Variants in SYNE2 observed in about 807,000 individuals in gnomAD.
SYNE2 encodes the protein nesprin-2.
SYNE2 carries 431 observed loss-of-function variants against 856.3 expected under a neutral mutation model. That is an observed-to-expected ratio of 0.50 (90% CI 0.47 to 0.55). The LOEUF is 0.55. Ranked by LOEUF, SYNE2 falls within the 20% of genes least tolerant of loss-of-function variation. The probability of loss-of-function intolerance (pLI) is 0.00; values close to 1 mark genes in which losing one functional copy is unlikely to be tolerated. For synonymous variants in SYNE2, 2,923 were observed against 2,872.3 expected (o/e 1.02, Z -0.56); for missense variants, 8,129 against 8,023.2 (o/e 1.01, Z -0.50).
At chr14:64,217,857 A>G (rs1341882081) in intron 108 of SYNE2, among the ~76,000 whole-genome samples, 1 of 152,228 alleles carries the variant, frequency 6.6e-6, no homozygotes, top group Non-Finnish European at 1.5e-5. Context: ...CCGAGATAAC[A>G]GCCCAATCGG....
intron 78 of SYNE2, among the ~76,000 whole-genome samples, chr14:64,135,208 C>T (rs189962573): frequency 1.1e-4 from 16 of 152,180 alleles, no homozygotes; most frequent in African/African-American, 2.4e-4. Flanking sequence ...GGATATATGC[C>T]GTCAGAATCT....
At chr14:63,982,290 G>A (rs1206683614) in intron 16 of SYNE2, among the ~76,000 whole-genome samples, 1 of 152,152 alleles carries the variant, frequency 6.6e-6, no homozygotes. Context: ...TGTAGAAAGA[G>A]ATAAGATGCA....
Position 64,163,525 on chromosome 14 carries a change from C to T in SYNE2, c.16423C>T (p.Leu5475Phe). 4 of 1,614,182 alleles carry T rather than the reference C, an allele frequency of 2.5e-6. No individual in the cohort carries two copies. Among genetic ancestry groups the T allele is most frequent in the Non-Finnish European group, 3.4e-6 (4 of 1,180,026 alleles). ...GCTCCTCCCGGGCCCCCTGCACTCTCTCCAGAGGGCTGCTTATTTGGAAAA... is the reference window on the plus strand; with the variant it reads ...GCTCCTCCCGGGCCCCCTGCACTCTTTCCAGAGGGCTGCTTATTTGGAAAA... ...HMLLPGPLHSLQRAAYLEKML... is the reference protein window; with the variant it reads ...HMLLPGPLHSFQRAAYLEKML... The change falls in exon 89 of 116, where the codon CTC becomes TTC. Residue 5475 changes from leucine to phenylalanine, a missense_variant. Coordinates refer to ENST00000555002, the MANE Select transcript of SYNE2 (RefSeq NM_182914.3).
chr14:63,955,842 T>C (rs2096235289), intron 8 of SYNE2, among the ~76,000 whole-genome samples: 1 of 152,238 alleles, frequency 6.6e-6, no homozygotes. Context: ...TATCCATCTG[T>C]AACTAACTTA....
chr14:64,061,379 C>T (rs76252745), intron 49 of SYNE2, among the ~76,000 whole-genome samples: 3,131 of 152,282 alleles, frequency 0.021, 57 homozygotes, highest in Non-Finnish European at 0.033. Context: ...GTAATAACTT[C>T]CCTTGGGTAA....
chr14:64,027,217 C>T (rs1272819485), intron 42 of SYNE2, among the ~76,000 whole-genome samples: 1 of 152,074 alleles, frequency 6.6e-6, no homozygotes, highest in Non-Finnish European at 1.5e-5. Flanking sequence ...ACTGTTGGGA[C>T]TTGTTTGAAA....
chr14:63,872,024 G>A (rs1428545822), intron 1 of SYNE2, among the ~76,000 whole-genome samples: 1 of 152,138 alleles, frequency 6.6e-6, no homozygotes, highest in African/African-American at 2.4e-5. Flanking sequence ...TGTTGCATAT[G>A]AATGTTAAGG....
In SYNE2 at chr14:63,853,114, C is replaced by G. The variant is rs901701708; in HGVS notation, c.-81C>G. 3.3e-5 allele frequency: 5 copies of G among 151,788 alleles called. No individual in the cohort carries two copies. The highest frequency in any genetic ancestry group is 1.2e-4 in the African/African-American group (5 of 41,380). 9.4% of individuals were successfully genotyped at this position (151,788 alleles called of 1,614,324 possible). A position where few individuals can be genotyped will look rare whatever the true frequency, so the allele number is the denominator to read the frequency against. On this transcript the variant is annotated 5_prime_UTR_variant, in exon 1 of 116. Coordinates refer to ENST00000555002, the MANE Select transcript of SYNE2 (RefSeq NM_182914.3). ...GGCGCCGACCTCGGGCGGCCCCGGC[C>G]CGCGCCCTTGCCCCTCGGCCGGGCG...
intron 70 of SYNE2, among the ~76,000 whole-genome samples, chr14:64,124,821 G>A (rs1333253736): frequency 6.6e-6 from 1 of 152,014 alleles, no homozygotes; most frequent in Admixed American, 6.6e-5. Context: ...TAGCTAACAT[G>A]GCAAAGCCCC....
chr14:64,043,665 C>T (rs1314358273), intron 45 of SYNE2, among the ~76,000 whole-genome samples: 6 of 152,230 alleles, frequency 3.9e-5, no homozygotes, highest in Non-Finnish European at 5.9e-5. Flanking sequence ...TGGCAGCTTC[C>T]ATGTGGTGTT....
At chr14:63,826,573 T>G (rs979555794) in intron 1 of SYNE2, among the ~76,000 whole-genome samples, 1 of 152,170 alleles carries the variant, frequency 6.6e-6, no homozygotes, top group Non-Finnish European at 1.5e-5. Context: ...GTGCTGGGAT[T>G]ACAGGCGTGA....
At chr14:64,041,209 G>A (rs924857937) in intron 45 of SYNE2, among the ~76,000 whole-genome samples, 11 of 152,142 alleles carry the variant, frequency 7.2e-5, no homozygotes, top group Non-Finnish European at 1.3e-4. Flanking sequence ...TAAATGTGAA[G>A]AGAAAATATT....
intron 31 of SYNE2, 123 bp from the exon 32 acceptor site, chr14:64,009,843 G>T: frequency 1.2e-6 from 1 of 822,706 alleles, no homozygotes; most frequent in Non-Finnish European, 1.9e-6. Context: ...AAAGTATTAA[G>T]AACCACATCA....
rs957067190 is a variant in SYNE2, at chr14:63,927,902, A to C, written c.80-12712A>C. ...GCGAGACTCCATCTGAAAAAAAAAA[A>C]CATGCCTTTCGCCTTCTGCCATGAT... On this transcript the variant is annotated intron_variant, in intron 2 of 115. Coordinates refer to ENST00000555002, the MANE Select transcript of SYNE2 (RefSeq NM_182914.3). Among the ~76,000 whole-genome samples the C allele has an allele frequency of 2.0e-5, 3 of 152,054 alleles. No individual in the cohort carries two copies. In the East Asian group the frequency reaches 5.8e-4, roughly 29 times the overall value.
At chr14:64,220,953 T>C (rs2098691494) in intron 111 of SYNE2, among the ~76,000 whole-genome samples, 1 of 152,172 alleles carries the variant, frequency 6.6e-6, no homozygotes, top group South Asian at 2.1e-4. Context: ...TTAAGAGACC[T>C]GGCCTTGAAG....
Position 64,016,510 on chromosome 14 carries a change from A to T in SYNE2, c.4766A>T (p.Glu1589Val). ...IVKEEFNEHL[E>V]VVDKINQVCK... Reference sequence around the variant, plus strand: ...AAAGAAGAATTTAATGAGCATTTAGAAGTTGTAGACAAGATAAACCAGGTC... The same window carrying T: ...AAAGAAGAATTTAATGAGCATTTAGTAGTTGTAGACAAGATAAACCAGGTC... The change falls in exon 33 of 116, where the codon GAA becomes GTA. Residue 1589 changes from glutamate (E) to valine (V), a missense_variant. Physicochemically the swap from Glu to Val is moderately radical, Grantham distance 121 (BLOSUM62 -2). Coordinates refer to ENST00000555002, the MANE Select transcript of SYNE2 (RefSeq NM_182914.3). The T allele has an allele frequency of 6.3e-7, 1 of 1,598,814 alleles. No individual in the cohort carries two copies. The highest frequency in any genetic ancestry group is 8.5e-7 in the Non-Finnish European group (1 of 1,172,088).
chr14:63,956,407 A>G (rs1277912055), intron 8 of SYNE2: 3 of 456,432 alleles, frequency 6.6e-6, no homozygotes, highest in Non-Finnish European at 1.3e-5. Flanking sequence ...TTTAATTTTT[A>G]TTGATGATTT....
At chr14:63,842,907 T>C (rs1301732127) in intron 1 of SYNE2, among the ~76,000 whole-genome samples, 1 of 152,228 alleles carries the variant, frequency 6.6e-6, no homozygotes, top group Non-Finnish European at 1.5e-5. Flanking sequence ...CTGCATACTT[T>C]CTGTTACGTT....
Position 64,212,006 on chromosome 14 carries a change from A to G in SYNE2, c.18769A>G (p.Ile6257Val), listed in dbSNP as rs781780825. Residue 6257 changes from isoleucine to valine, a missense_variant, in exon 104 of 116, where the codon ATT becomes GTT. Coordinates refer to ENST00000555002, the MANE Select transcript of SYNE2 (RefSeq NM_182914.3). ...REEFEGTRESILVWLTEMDLQ... is the reference protein window; with the variant it reads ...REEFEGTRESVLVWLTEMDLQ... ...AGAATTTGAGGGCACCAGGGAGAGC[A>G]TTCTGGTGTGGCTCACAGAGATGGA... The G allele has an allele frequency of 2.5e-6, 4 of 1,614,200 alleles. No individual in the cohort carries two copies. The highest frequency in any genetic ancestry group is 3.4e-6 in the Non-Finnish European group (4 of 1,180,032).
Sources: gnomAD v4.1 joint callset for allele counts (sites outside exome capture counted in the v4.1 genomes callset) on GRCh38, gnomAD v4.1.1 for gene constraint, MANE v1.5 for transcripts, NCBI Gene and HGNC (gene_info 2026-07-23, HGNC 2026-07-21) for gene names.